Variants in ABCC8 observed in about 807,000 individuals in gnomAD.
ABCC8 encodes the protein ATP-binding cassette sub-family C member 8.
ABCC8 carries 137 observed loss-of-function variants against 188.0 expected under a neutral mutation model. That is an observed-to-expected ratio of 0.73 (90% CI 0.63 to 0.84). The LOEUF (loss-of-function observed/expected upper bound fraction) is 0.84, where lower values mean the gene tolerates loss of function less well. ABCC8 is among the 40% of genes least tolerant of loss of function. The pLI is 0.00. For synonymous variants in ABCC8, 797 were observed against 846.5 expected (o/e 0.94, Z 1.01); for missense variants, 1,750 against 2,072.7 (o/e 0.84, Z 3.02).
intron 21 of ABCC8, 149 bp downstream of exon 21, chr11:17,412,517 T>C: frequency 2.5e-6 from 3 of 1,180,880 alleles, no homozygotes; most frequent in Non-Finnish European, 3.6e-6. Flanking sequence ...TCCCTATCAC[T>C]AGGATGATAA....
Position 17,407,222 on chromosome 11 carries a change from C to T in ABCC8, c.2921-93G>A, listed in dbSNP as rs533832638. On this transcript the variant is annotated intron_variant, in intron 24 of 38. Transcript: ENST00000389817. ...TTATCCCCACTTACTGAGGGGACAACGGGGGCACACAGAGGGAAGCCATTT... is the reference window on the plus strand; with the variant it reads ...TTATCCCCACTTACTGAGGGGACAATGGGGGCACACAGAGGGAAGCCATTT... 286 of 1,605,246 alleles carry T rather than the reference C, an allele frequency of 1.8e-4. 1 individual carries two copies. In the African/African-American group the frequency reaches 1.9e-3, roughly 11 times the overall value.
intron 3 of ABCC8, among the ~76,000 whole-genome samples, chr11:17,469,631 C>T (rs1045900522): frequency 8.5e-5 from 13 of 152,146 alleles, no homozygotes; most frequent in African/African-American, 3.1e-4. Flanking sequence ...GCCTGGGACT[C>T]TTGCTCGCTC....
Position 17,427,775 on chromosome 11 carries a change from G to C in ABCC8, c.2116+92C>G, listed in dbSNP as rs1955649288. 2.0e-6 allele frequency: 3 copies of C among 1,482,710 alleles called. No homozygotes were observed. Among genetic ancestry groups the C allele is most frequent in the African/African-American group, 1.4e-5 (1 of 72,304 alleles). The allele number at this position is 1,482,710 out of a possible 1,614,324, so 91.8% of individuals were successfully genotyped here. Reference sequence around the variant, plus strand: ...ATACACCAAGAATGAGCAGAGAGTAGGTGCTCAATAAATGCAGCTTTGTCT... The same window carrying C: ...ATACACCAAGAATGAGCAGAGAGTACGTGCTCAATAAATGCAGCTTTGTCT... On this transcript the variant is annotated intron_variant, in intron 15 of 38. Coordinates refer to ENST00000389817, the MANE Select transcript of ABCC8 (RefSeq NM_000352.6). The surrounding 1 kb of genome is among the most constrained non-coding windows in gnomAD (Gnocchi z 5.0).
chr11:17,440,944 C>T (rs944672077), intron 10 of ABCC8, among the ~76,000 whole-genome samples: 2 of 152,136 alleles, frequency 1.3e-5, no homozygotes, highest in Non-Finnish European at 2.9e-5. Flanking sequence ...AGCAAGAATG[C>T]CAAGAATACG....
chr11:17,420,873 T>C (rs1296025113), intron 16 of ABCC8, among the ~76,000 whole-genome samples: 1 of 152,238 alleles, frequency 6.6e-6, no homozygotes, highest in Non-Finnish European at 1.5e-5. Flanking sequence ...AACATTTTCC[T>C]CTTAAGGATT....
At chr11:17,418,155 G>A (rs1441962144) in intron 16 of ABCC8, among the ~76,000 whole-genome samples, 3 of 152,134 alleles carry the variant, frequency 2.0e-5, no homozygotes, top group Admixed American at 6.5e-5. Flanking sequence ...TCAGAGAAAG[G>A]CTAAGTAACT....
chr11:17,468,107 A>C (rs937464063), intron 3 of ABCC8, among the ~76,000 whole-genome samples: 4 of 152,034 alleles, frequency 2.6e-5, no homozygotes, highest in African/African-American at 9.7e-5. Context: ...TCCCCTCTCA[A>C]CCTGCTTCCC....
At chr11:17,442,562 A>T (rs1298203646) in intron 10 of ABCC8, among the ~76,000 whole-genome samples, 158 bp downstream of exon 10, 1 of 152,140 alleles carries the variant, frequency 6.6e-6, no homozygotes, top group Non-Finnish European at 1.5e-5. Flanking sequence ...GATTTCTGGG[A>T]GCTTAGCTAT....
intron 5 of ABCC8, 27 bp from the exon 6 acceptor site, chr11:17,460,703 A>C (rs757714217): frequency 6.2e-7 from 1 of 1,602,988 alleles, no homozygotes; most frequent in Non-Finnish European, 8.5e-7. Context: ...TGGCCAGGTC[A>C]GAGTGCCTGA....
chr11:17,472,195 A>T (rs1214331419), intron 2 of ABCC8, among the ~76,000 whole-genome samples: 17 of 152,266 alleles, frequency 1.1e-4, no homozygotes, highest in Admixed American at 1.0e-3. Flanking sequence ...ATATTTCATG[A>T]CATGGCTTCA....
intron 10 of ABCC8, among the ~76,000 whole-genome samples, chr11:17,438,047 A>T (rs1447994388): frequency 1.3e-5 from 2 of 152,232 alleles, no homozygotes; most frequent in African/African-American, 4.8e-5. Context: ...GGTTGCAGTG[A>T]GTTGAGATCG....
intron 16 of ABCC8, among the ~76,000 whole-genome samples, chr11:17,422,811 A>G (rs1955404944): frequency 6.6e-6 from 1 of 152,124 alleles, no homozygotes; most frequent in Non-Finnish European, 1.5e-5. Flanking sequence ...CCCATCTTTC[A>G]TAATGCACCC....
chr11:17,398,763 T>C (rs1954072918), intron 29 of ABCC8, among the ~76,000 whole-genome samples: 1 of 152,194 alleles, frequency 6.6e-6, no homozygotes, highest in Non-Finnish European at 1.5e-5. Flanking sequence ...ATTCAGCCCC[T>C]TGGCAAGTCC....
intron 33 of ABCC8, 59 bp from the exon 34 acceptor site, chr11:17,395,989 T>C: frequency 1.3e-6 from 2 of 1,550,498 alleles, no homozygotes; most frequent in Non-Finnish European, 1.7e-6. Context: ...GAATAGCCTC[T>C]ATGCTAGCTC....
At position 17,442,785 on chromosome 11, in the gene ABCC8, A is replaced by G. The variant is rs1203543976; in HGVS notation, c.1565T>C (p.Val522Ala). The G allele has an allele frequency of 6.2e-7, 1 of 1,613,778 alleles. No homozygotes were observed. The highest frequency in any genetic ancestry group is 2.2e-5 in the East Asian group (1 of 44,862). The change falls in exon 10 of 39, where the codon GTG (valine) becomes GCG (alanine). Residue 522 changes from valine to alanine, a missense_variant. By Grantham distance (64) the Val-to-Ala change is moderately conservative. Transcript: ENST00000389817. The stretch of plus-strand genomic sequence containing the variant: ...CATCTCCTTCCTGCGGGTCGTCTCC[A>G]CCCGCGTGCGGAAGATGTTCTCCCA... ...YAWENIFRTR[V>A]ETTRRKEMTS...
At chr11:17,475,170 A>C in intron 1 of ABCC8, 143 bp from the exon 2 acceptor site, 1 of 1,272,356 alleles carries the variant, frequency 7.9e-7, no homozygotes, top group African/African-American at 1.5e-5. Context: ...TGGTACACAC[A>C]AACTAAACGT....
At position 17,404,243 on chromosome 11, in the gene ABCC8, G is replaced by A. The variant is rs1954392367; in HGVS notation, c.3557+269C>T. On this transcript the variant is annotated intron_variant, in intron 28 of 38. Coordinates refer to ENST00000389817, the MANE Select transcript of ABCC8 (RefSeq NM_000352.6). This position sits in a 1 kb window ranked among gnomAD's most constrained non-coding sequence, Gnocchi z 4.7. ...AAAATGAATGAAGGGCATAAAATGT[G>A]CATTTATCATGACCTAGCAATTCCA... Among the ~76,000 whole-genome samples, 1 of 152,176 alleles carries A rather than the reference G, an allele frequency of 6.6e-6. No individual in the cohort carries two copies. Among genetic ancestry groups the A allele is most frequent in the Admixed American group, 6.5e-5 (1 of 15,280 alleles).
chr11:17,476,000 G>T (rs546018303), intron 1 of ABCC8, among the ~76,000 whole-genome samples: 1 of 152,352 alleles, frequency 6.6e-6, no homozygotes, highest in Non-Finnish European at 1.5e-5. Flanking sequence ...GCTACTTTGC[G>T]CAGAGCCTGA....
At chr11:17,394,427 G>A (rs1333664219) in intron 36 of ABCC8, 28 bp from the exon 37 acceptor site, 4 of 1,613,980 alleles carry the variant, frequency 2.5e-6, no homozygotes, top group Admixed American at 1.7e-5. Context: ...AGATGAAGTA[G>A]GACTGAGTTA....
Sources: allele counts gnomAD v4.1 joint callset (sites outside exome capture counted in the v4.1 genomes callset), GRCh38; gene constraint gnomAD v4.1.1; non-coding constraint Gnocchi (gnomAD v3.1); transcripts MANE v1.5; gene names NCBI Gene and HGNC (gene_info 2026-07-23, HGNC 2026-07-21).